MARCHF5: variants seen among roughly 807,000 people sequenced by gnomAD.
The protein encoded by MARCHF5 is E3 ubiquitin-protein ligase MARCHF5.
In MARCHF5, 5 loss-of-function variants were observed where a neutral mutation model predicts 36.5. The observed-to-expected ratio is 0.14, with a 90% CI of 0.07 to 0.29. The LOEUF (loss-of-function observed/expected upper bound fraction) is 0.29, where lower values mean the gene tolerates loss of function less well. Among genes scored for constraint, MARCHF5 ranks in the 10% least tolerant of loss-of-function variants. The probability of loss-of-function intolerance (pLI) is 1.00; values close to 1 mark genes in which losing one functional copy is unlikely to be tolerated. For synonymous variants in MARCHF5, 103 were observed against 109.9 expected (o/e 0.94, Z 0.39); for missense variants, 179 against 336.3 (o/e 0.53, Z 3.66).
rs983634848 is a variant in MARCHF5 at position 92,351,532 on chromosome 10, A to C, written c.*325A>C. On this transcript the variant is annotated 3_prime_UTR_variant, in exon 6 of 6. Transcript: ENST00000358935. The stretch of plus-strand genomic sequence containing the variant: ...CTGTGCAAATATTAAAAAAATGCAC[A>C]TGCTGTTTTATTCAAATGCCTCTTT... The C allele has an allele frequency of 5.7e-6, 1 of 175,076 alleles. No individual in the cohort carries two copies. Among genetic ancestry groups the C allele is most frequent in the Non-Finnish European group, 1.2e-5 (1 of 83,536 alleles). The allele number at this position is 175,076 out of a possible 1,614,324, so 10.8% of individuals were successfully genotyped here.
chr10:92,295,936 C>T lies in MARCHF5; in HGVS notation c.35+4407C>T, dbSNP rs745558764. 7.3e-5 allele frequency among the ~76,000 whole-genome samples: 11 copies of T among 150,482 alleles called. No homozygotes were observed. In the East Asian group the frequency reaches 9.8e-4, roughly 13 times the overall value. The stretch of plus-strand genomic sequence containing the variant: ...TGCCCAGGCTGCTGGAGGGCAGTGG[C>T]GCGATCTCGGTTCACCACAACCTCC... On this transcript the variant is annotated intron_variant, in intron 1 of 5. Coordinates refer to ENST00000358935, the MANE Select transcript of MARCHF5 (RefSeq NM_017824.5).
chr10:92,349,621 C>CT (rs1843694988), intron 4 of MARCHF5, 50 bp from the exon 5 acceptor site: 1 of 1,600,710 alleles, frequency 6.2e-7, no homozygotes, highest in Non-Finnish European at 8.5e-7. Flanking sequence ...TGAAGGTAGT[C>CT]TAACTCTTCT....
intron 1 of MARCHF5, among the ~76,000 whole-genome samples, chr10:92,292,928 C>T (rs966150020): frequency 2.6e-5 from 4 of 152,214 alleles, no homozygotes; most frequent in African/African-American, 9.6e-5. Flanking sequence ...ACCAGGTTTT[C>T]CTTTCATTGT....
intron 3 of MARCHF5, among the ~76,000 whole-genome samples, chr10:92,344,851 G>A (rs953544669): frequency 2.7e-5 from 4 of 150,708 alleles, no homozygotes; most frequent in South Asian, 4.2e-4. Context: ...TTTTTTTCTC[G>A]GCACTGTATT....
intron 1 of MARCHF5, among the ~76,000 whole-genome samples, chr10:92,298,637 C>G (rs539970209): frequency 2.6e-5 from 4 of 152,150 alleles, no homozygotes; most frequent in African/African-American, 7.2e-5. Flanking sequence ...AGTGGCCCAT[C>G]TCGGCTTACT....
chr10:92,340,831 T>C lies in MARCHF5; in HGVS notation c.369+28T>C, dbSNP rs766746275. On this transcript the variant is annotated intron_variant, in intron 3 of 5. Transcript: ENST00000358935. ...TCACTATTTTACCTATATAGTGATA[T>C]TACTTGGTGTGAAGATCTATTAAAA... is the stretch of plus-strand genomic sequence containing the variant. 2.6e-5 allele frequency: 40 copies of C among 1,541,396 alleles called. 1 individual carries two copies. Among genetic ancestry groups the C allele is most frequent in the Admixed American group, 4.1e-5 (2 of 48,528 alleles).
At chr10:92,321,820 G>A (rs565293004) in intron 2 of MARCHF5, among the ~76,000 whole-genome samples, 2 of 152,020 alleles carry the variant, frequency 1.3e-5, no homozygotes, top group East Asian at 3.9e-4. Flanking sequence ...TAATTTGTTG[G>A]CATATAGTTA....
At chr10:92,315,654 T>C (rs1843200754) in intron 2 of MARCHF5, among the ~76,000 whole-genome samples, 1 of 152,342 alleles carries the variant, frequency 6.6e-6, no homozygotes, top group South Asian at 2.1e-4. Context: ...GTCTTCACTA[T>C]AAAATCATAC....
At chr10:92,347,463 CAGAT>C (rs71025396) in intron 3 of MARCHF5, among the ~76,000 whole-genome samples, 2,708 of 82,258 alleles carry the variant, frequency 0.033, 98 homozygotes, top group African/African-American at 0.074. Context: ...AACTCCGTCT[CAGAT>C]AGATAGATAG....
In MARCHF5 at chr10:92,291,296, T is replaced by C; in HGVS notation, c.-199T>C. 1 of 568,134 alleles carries C rather than the reference T, an allele frequency of 1.8e-6. No individual in the cohort carries two copies. Among genetic ancestry groups the C allele is most frequent in the Non-Finnish European group, 3.0e-6 (1 of 327,908 alleles). The allele number at this position is 568,134 out of a possible 1,614,324, so 35.2% of individuals were successfully genotyped here. On this transcript the variant is annotated 5_prime_UTR_variant, in exon 1 of 6. Transcript: ENST00000358935. ...CCCGCCTCAGGCTCCTCCTCCTCGCTCTCCGCCGCCTCCGCCGGACTCCCG... is the reference window on the plus strand; with the variant it reads ...CCCGCCTCAGGCTCCTCCTCCTCGCCCTCCGCCGCCTCCGCCGGACTCCCG...
chr10:92,310,567 T>C (rs1307921683), intron 1 of MARCHF5, among the ~76,000 whole-genome samples: 1 of 152,210 alleles, frequency 6.6e-6, no homozygotes, highest in African/African-American at 2.4e-5. Flanking sequence ...AAAAAAATCT[T>C]GATATATTTA....
chr10:92,332,461 G>C (rs1257856438), intron 2 of MARCHF5, among the ~76,000 whole-genome samples: 1 of 151,714 alleles, frequency 6.6e-6, no homozygotes, highest in Non-Finnish European at 1.5e-5. Flanking sequence ...AAAACAGTGG[G>C]GAATGCTAGA....
intron 2 of MARCHF5, among the ~76,000 whole-genome samples, chr10:92,337,765 G>C (rs895443245): frequency 2.0e-5 from 3 of 152,062 alleles, no homozygotes; most frequent in Non-Finnish European, 4.4e-5. Context: ...GAGGGGATAG[G>C]ATCATCTAGT....
chr10:92,301,343 G>GTAATTTTC (rs1264471774), intron 1 of MARCHF5, among the ~76,000 whole-genome samples: 1 of 152,212 alleles, frequency 6.6e-6, no homozygotes, highest in African/African-American at 2.4e-5. Context: ...TTGTACTGCT[G>GTAATTTTC]TAATTTTCTA....
chr10:92,343,478 G>T (rs770080198), intron 3 of MARCHF5, among the ~76,000 whole-genome samples: 6 of 152,188 alleles, frequency 3.9e-5, no homozygotes, highest in Admixed American at 1.3e-4. Context: ...TTCCTTGAAA[G>T]CAGAGTCCAT....
chr10:92,349,700 G>A lies in MARCHF5; in HGVS notation c.583G>A (p.Ala195Thr). 1 of 1,613,960 alleles carries A rather than the reference G, an allele frequency of 6.2e-7. No individual in the cohort carries two copies. Among genetic ancestry groups the A allele is most frequent in the Non-Finnish European group, 8.5e-7 (1 of 1,179,986 alleles). Residue 195 changes from alanine (A) to threonine (T), a missense_variant, in exon 5 of 6, where the codon GCT (alanine) becomes ACT (threonine). By Grantham distance (58) the Ala-to-Thr change is moderately conservative. Coordinates refer to ENST00000358935, the MANE Select transcript of MARCHF5 (RefSeq NM_017824.5). ...GIGCPVPRIP[A>T]EANPLADHVS... is the part of the protein sequence containing the mutation. ...AGGTTGTCCTGTTCCTCGAATTCCA[G>A]CTGAGGCCAATCCTTTAGCAGATCA...
chr10:92,292,542 G>A (rs1019353173), intron 1 of MARCHF5, among the ~76,000 whole-genome samples: 1 of 152,148 alleles, frequency 6.6e-6, no homozygotes, highest in African/African-American at 2.4e-5. Context: ...TTTTGGGCCT[G>A]CCACACCCAG....
intron 1 of MARCHF5, among the ~76,000 whole-genome samples, chr10:92,310,713 T>C (rs968129977): frequency 6.6e-6 from 1 of 152,228 alleles, no homozygotes; most frequent in African/African-American, 2.4e-5. Flanking sequence ...TGTAATACTT[T>C]GTTTTTCCAA....
chr10:92,330,938 A>G (rs77461373), intron 2 of MARCHF5, among the ~76,000 whole-genome samples: 1 of 152,230 alleles, frequency 6.6e-6, no homozygotes, highest in Non-Finnish European at 1.5e-5. Flanking sequence ...CAACCTTCTC[A>G]TATACAGGGA....
Sources: allele counts gnomAD v4.1 joint callset (sites outside exome capture counted in the v4.1 genomes callset), GRCh38; gene constraint gnomAD v4.1.1; transcripts MANE v1.5; gene names NCBI Gene and HGNC (gene_info 2026-07-23, HGNC 2026-07-21).